Variants in LPL observed in about 807,000 individuals in gnomAD.
The protein encoded by LPL is phospholipase A1.
A neutral mutation model predicts 52.2 loss-of-function variants in LPL; 43 were observed. The ratio of observed to expected loss-of-function variants is 0.82; its 90% CI spans 0.64 to 1.06. LPL has a LOEUF of 1.06. Among genes scored for constraint, LPL ranks in the 50% least tolerant of loss-of-function variants. The probability of loss-of-function intolerance (pLI) is 0.00; values close to 1 mark genes in which losing one functional copy is unlikely to be tolerated. For synonymous variants in LPL, 244 were observed against 215.6 expected, an observed-to-expected ratio of 1.13 and a Z score of -1.15; for missense variants, 639 against 585.3, an observed-to-expected ratio of 1.09 and a Z score of -0.95.
At chr8:19,945,551 T>G (rs576341713) in intron 1 of LPL, among the ~76,000 whole-genome samples, 1 of 152,352 alleles carries the variant, frequency 6.6e-6, no homozygotes, top group African/African-American at 2.4e-5. Flanking sequence ...CATTACATAC[T>G]CTGGACCCAA....
chr8:19,946,407 A>G (rs2069882567), intron 1 of LPL: 1 of 165,750 alleles, frequency 6.0e-6, no homozygotes, highest in South Asian at 1.3e-4. Context: ...TGTTTAAGGA[A>G]TTTTAGAAAA....
intron 1 of LPL, among the ~76,000 whole-genome samples, chr8:19,943,938 C>T (rs904391885): frequency 6.6e-6 from 1 of 152,088 alleles, no homozygotes; most frequent in Non-Finnish European, 1.5e-5. Context: ...CCTGTAATCC[C>T]AGCATTTTGG....
chr8:19,953,458 T>C, intron 4 of LPL, 37 bp downstream of exon 4: 1 of 1,444,078 alleles, frequency 6.9e-7, no homozygotes. Context: ...TCATAAGAGG[T>C]GAAAAGACTG....
At chr8:19,952,228 G>C (rs2069940953) in intron 3 of LPL, among the ~76,000 whole-genome samples, 1 of 152,198 alleles carries the variant, frequency 6.6e-6, no homozygotes, top group South Asian at 2.1e-4. Flanking sequence ...ACAGAAAAAA[G>C]CTTGTGATTT....
At chr8:19,958,811 C>T (rs1247608866) in intron 6 of LPL, among the ~76,000 whole-genome samples, 2 of 152,122 alleles carry the variant, frequency 1.3e-5, no homozygotes, top group African/African-American at 2.4e-5. Flanking sequence ...GGAGGACAGA[C>T]CTACTCATGA....
rs1195611623 is a variant in LPL at position 19,967,236 on chromosome 8, A to C, written c.*1926A>C. The C allele has an allele frequency of 6.6e-6, 1 of 152,650 alleles. No individual in the cohort carries two copies. Among genetic ancestry groups the C allele is most frequent in the Non-Finnish European group, 1.5e-5 (1 of 68,044 alleles). The allele number at this position is 152,650 out of a possible 1,614,324, so 9.5% of individuals were successfully genotyped here. On this transcript the variant is annotated 3_prime_UTR_variant, in exon 10 of 10. Coordinates refer to ENST00000650287, the MANE Select transcript of LPL (RefSeq NM_000237.3). Reference sequence around the variant, plus strand: ...AAGAAATGGAATCAGCTTTTAATAAAATTGACAACATTTTATTACCACACT... The same window carrying C: ...AAGAAATGGAATCAGCTTTTAATAACATTGACAACATTTTATTACCACACT...
At chr8:19,960,843 TG>T (rs2128839557) in intron 7 of LPL, 57 bp from the exon 8 acceptor site, 5 of 1,273,324 alleles carry the variant, frequency 3.9e-6, no homozygotes, top group Non-Finnish European at 5.7e-6. Flanking sequence ...GAAAAAAAAG[TG>T]GGGGGCAGGG....
At position 19,962,164 on chromosome 8, in the gene LPL, G is replaced by C; in HGVS notation, c.1372G>C (p.Ala458Pro). The C allele has an allele frequency of 8.7e-6, 14 of 1,613,884 alleles. No homozygotes were observed. Among genetic ancestry groups the C allele is most frequent in the Admixed American group, 1.7e-5 (1 of 60,004 alleles). The stretch of plus-strand genomic sequence containing the variant: ...AGTGTCTCATTTGCAGAAAGGAAAG[G>C]CACCTGCGGTATTTGTGAAATGCCA... The part of the protein sequence containing the change: ...EKVSHLQKGK[A>P]PAVFVKCHDK... The change falls in exon 9 of 10, where the codon GCA (alanine) becomes CCA (proline). Residue 458 changes from alanine (A) to proline (P), a missense_variant. Coordinates refer to ENST00000650287, the MANE Select transcript of LPL (RefSeq NM_000237.3).
chr8:19,950,881 G>A lies in LPL; in HGVS notation c.250-888G>A, dbSNP rs2069928040. On this transcript the variant is annotated intron_variant, in intron 2 of 9. Coordinates refer to ENST00000650287, the MANE Select transcript of LPL (RefSeq NM_000237.3). This position sits in a 1 kb window ranked among gnomAD's most constrained non-coding sequence, Gnocchi z 4.2. ...AAGGAGGAAGGGAAGGAGGGAGGGAGGAAGGAAGGAAGGAATGAAGGAAGG... is the reference window on the plus strand; with the variant it reads ...AAGGAGGAAGGGAAGGAGGGAGGGAAGAAGGAAGGAAGGAATGAAGGAAGG... Among the ~76,000 whole-genome samples, 1 of 147,960 alleles carries A rather than the reference G, an allele frequency of 6.8e-6. No individual in the cohort carries two copies. The highest frequency in any genetic ancestry group is 1.5e-5 in the Non-Finnish European group (1 of 66,902).
At chr8:19,943,398 T>G (rs1302117521) in intron 1 of LPL, among the ~76,000 whole-genome samples, 1 of 152,186 alleles carries the variant, frequency 6.6e-6, no homozygotes, top group Non-Finnish European at 1.5e-5. Flanking sequence ...CAGAATTAAT[T>G]ACGGTGAAAA....
chr8:19,939,257 G>T lies in LPL; in HGVS notation c.-184G>T. 1 of 612,776 alleles carries T rather than the reference G, an allele frequency of 1.6e-6. No homozygotes were observed. The allele number at this position is 612,776 out of a possible 1,614,324, so 38.0% of individuals were successfully genotyped here. A position where few individuals can be genotyped will look rare whatever the true frequency, so the allele number is the denominator to read the frequency against. ...CAGCCTTGGCGTGAAAACAGTGTCA[G>T]ACTCGATTCCCCCTCTTCCTCCTCC... On this transcript the variant is annotated 5_prime_UTR_variant, in exon 1 of 10. Coordinates refer to ENST00000650287, the MANE Select transcript of LPL (RefSeq NM_000237.3). The surrounding 1 kb of genome is among the most constrained non-coding windows in gnomAD (Gnocchi z 4.0).
rs116640183 is a variant in LPL at position 19,946,588 on chromosome 8, G to A, written c.89-1592G>A. ...TTAAATTTTGAGTTGAAAAAAAAGA[G>A]CAAATTTAGATTAAGGAATGAGAAG... On this transcript the variant is annotated intron_variant, in intron 1 of 9. Transcript: ENST00000650287. 3.8e-3 allele frequency: 1,137 copies of A among 301,996 alleles called. 11 individuals are homozygous for A. Among genetic ancestry groups the A allele is most frequent in the African/African-American group, 0.025 (1,080 of 43,958 alleles). 18.7% of individuals were successfully genotyped at this position (301,996 alleles called of 1,614,324 possible).
chr8:19,952,034 CTTAGAT>C (rs2069939181), intron 3 of LPL, 86 bp downstream of exon 3: 8 of 1,465,952 alleles, frequency 5.5e-6, no homozygotes, highest in African/African-American at 2.8e-5. Context: ...TTCCTTTTCT[CTTAGAT>C]TTAAATATTT....
chr8:19,941,560 T>C lies in LPL; in HGVS notation c.88+2032T>C, dbSNP rs879431299. On this transcript the variant is annotated intron_variant, in intron 1 of 9. Transcript: ENST00000650287. ...GTGATTAATTAGTTTAATTGAGTTG[T>C]AGCCAACACATGCTTTTCCTAGCTG... 5.9e-5 allele frequency among the ~76,000 whole-genome samples: 9 copies of C among 152,342 alleles called. No homozygotes were observed. The South Asian group carries it at 1.0e-3, about 18-fold the overall frequency.
rs2069978202 is a variant in LPL, at chr8:19,955,715, G to T, written c.776-126G>T. 3.2e-6 allele frequency: 4 copies of T among 1,242,222 alleles called. No homozygotes were observed. The Admixed American group carries it at 6.8e-5, about 21-fold the overall frequency. The allele number at this position is 1,242,222 out of a possible 1,614,324, so 76.9% of individuals were successfully genotyped here. A position where few individuals can be genotyped will look rare whatever the true frequency, so the allele number is the denominator to read the frequency against. ...TGAAATAGGGCCTACAATCATAAAT[G>T]CACAGGACTATATCCTTGGGTGATT... On this transcript the variant is annotated intron_variant, in intron 5 of 9. Transcript: ENST00000650287.
At chr8:19,946,987 GT>G (rs1459884136) in intron 1 of LPL, among the ~76,000 whole-genome samples, 1 of 152,180 alleles carries the variant, frequency 6.6e-6, no homozygotes, top group African/African-American at 2.4e-5. Context: ...TGGTTTTCAA[GT>G]TTTGCCTTTG....
rs368730892 is a variant in LPL, at chr8:19,959,395, G to A, written c.1139+15G>A. On this transcript the variant is annotated intron_variant, in intron 7 of 9. Coordinates refer to ENST00000650287, the MANE Select transcript of LPL (RefSeq NM_000237.3). Reference sequence around the variant, plus strand: ...CCATTCACTCTGTGAGTAGCACAGGGGGGCGGTCATCATGGCACCAGTCCC... The same window carrying A: ...CCATTCACTCTGTGAGTAGCACAGGAGGGCGGTCATCATGGCACCAGTCCC... 42 of 1,613,746 alleles carry A rather than the reference G, an allele frequency of 2.6e-5. No individual in the cohort carries two copies. Among genetic ancestry groups the A allele is most frequent in the Admixed American group, 6.7e-5 (4 of 59,976 alleles).
chr8:19,947,800 G>C (rs1401090344), intron 1 of LPL, among the ~76,000 whole-genome samples: 1 of 152,014 alleles, frequency 6.6e-6, no homozygotes, highest in Admixed American at 6.5e-5. Flanking sequence ...TAATACCAGG[G>C]TAGCCTCAGC....
intron 3 of LPL, 65 bp downstream of exon 3, chr8:19,952,013 G>A: frequency 6.4e-7 from 1 of 1,568,024 alleles, no homozygotes; most frequent in Non-Finnish European, 8.8e-7. Flanking sequence ...CAGAAAACCG[G>A]CTGTTCTTTC....
Sources: gnomAD v4.1 joint callset for allele counts (sites outside exome capture counted in the v4.1 genomes callset) on GRCh38, gnomAD v4.1.1 for gene constraint, Gnocchi (gnomAD v3.1) non-coding constraint, MANE v1.5 for transcripts, NCBI Gene and HGNC (gene_info 2026-07-23, HGNC 2026-07-21) for gene names.